The following CSMD1 variants were observed in gnomAD, a reference collection of about 807,000 sequenced individuals.
CSMD1 encodes the protein CUB and Sushi multiple domains 1.
A neutral mutation model predicts 417.5 loss-of-function variants in CSMD1; 213 were observed. The observed-to-expected ratio is 0.51, with a 90% confidence interval of 0.46 to 0.57. The LOEUF (loss-of-function observed/expected upper bound fraction) is 0.57, where lower values mean the gene tolerates loss of function less well. Ranked by LOEUF, CSMD1 falls within the 20% of genes least tolerant of loss-of-function variation. The probability of loss-of-function intolerance (pLI) is 0.00; values close to 1 mark genes in which losing one functional copy is unlikely to be tolerated. For missense variants in CSMD1, 6,923 were observed against 4,529.7 expected (o/e 1.53, Z -15.17); for synonymous variants, 2,862 against 1,736.8 (o/e 1.65, Z -16.11).
intron 1 of CSMD1, among the ~76,000 whole-genome samples, chr8:4,943,073 A>G (rs1808124547): frequency 6.6e-6 from 1 of 152,210 alleles, no homozygotes; most frequent in Non-Finnish European, 1.5e-5. Context: ...GTAATTGTTC[A>G]TAACAGATGA....
chr8:3,166,743 G>T (rs1309146763), intron 37 of CSMD1, among the ~76,000 whole-genome samples: 1 of 151,932 alleles, frequency 6.6e-6, no homozygotes, highest in Non-Finnish European at 1.5e-5. Flanking sequence ...TATCTAGGAA[G>T]ACATATACAA....
intron 10 of CSMD1, among the ~76,000 whole-genome samples, chr8:3,511,763 ATAACATAACATAAC>A (rs1402709692): frequency 0.12 from 9,755 of 81,354 alleles, 416 homozygotes; most frequent in African/African-American, 0.13. Flanking sequence ...CTCTAAAAAA[ATAACATAACATAAC>A]ATAACATAAC....
chr8:3,516,816 T>C (rs1797301181), intron 10 of CSMD1, among the ~76,000 whole-genome samples: 1 of 152,102 alleles, frequency 6.6e-6, no homozygotes, highest in Admixed American at 6.6e-5. Flanking sequence ...AACAATCCCA[T>C]CGCTGAGTAT....
chr8:3,422,393 T>A (rs1458258689), intron 12 of CSMD1, among the ~76,000 whole-genome samples: 1 of 152,172 alleles, frequency 6.6e-6, no homozygotes, highest in African/African-American at 2.4e-5. Context: ...GGGGCCACTT[T>A]CCACATTGTT....
At chr8:4,485,233 AG>A (rs1447431253) in intron 2 of CSMD1, among the ~76,000 whole-genome samples, 3 of 152,142 alleles carry the variant, frequency 2.0e-5, no homozygotes, top group African/African-American at 4.8e-5. Flanking sequence ...TCATCCCTTG[AG>A]AAAAGATGAA....
rs567733625 is a variant in CSMD1, at chr8:3,396,183, G to A, written c.2593+11C>T. ...TGCCCTGCCGGGCTGTCAAGGGAAG[G>A]TGCAACTCACTCTCATAGTGGATGA... On this transcript the variant is annotated intron_variant, in intron 17 of 69. Transcript: ENST00000635120. 2.8e-5 allele frequency: 43 copies of A among 1,554,384 alleles called. No homozygotes were observed. The African/African-American group carries it at 5.3e-4, about 19-fold the overall frequency.
At chr8:4,025,265 T>C (rs1008127730) in intron 4 of CSMD1, among the ~76,000 whole-genome samples, 1 of 152,222 alleles carries the variant, frequency 6.6e-6, no homozygotes, top group African/African-American at 2.4e-5. Context: ...GCTTCCTTTC[T>C]ACCTTCTTGT....
chr8:3,925,672 C>T (rs1809603531), intron 5 of CSMD1, among the ~76,000 whole-genome samples: 1 of 151,948 alleles, frequency 6.6e-6, no homozygotes, highest in Non-Finnish European at 1.5e-5. Flanking sequence ...TTTGCCTCCT[C>T]CTCATTTTTC....
intron 1 of CSMD1, among the ~76,000 whole-genome samples, chr8:4,699,458 A>G (rs186933781): frequency 5.3e-5 from 8 of 152,294 alleles, no homozygotes; most frequent in Admixed American, 4.6e-4. Flanking sequence ...CATATTCTAT[A>G]AAGTTTTCCC....
chr8:3,913,890 T>A (rs1808625060), intron 5 of CSMD1, among the ~76,000 whole-genome samples: 1 of 151,872 alleles, frequency 6.6e-6, no homozygotes, highest in South Asian at 2.1e-4. Context: ...ACCTCGACTG[T>A]TTTTTGTCCA....
Position 3,983,814 on chromosome 8 carries a change from G to A in CSMD1, c.818+14089C>T, listed in dbSNP as rs1814093785. On this transcript the variant is annotated intron_variant, in intron 5 of 69. Transcript: ENST00000635120. ...AGTTCTGATGGGGCTGTCAAATGCA[G>A]CTCCAGAGCACCTGGCAGATCTGGC... 2.0e-5 allele frequency among the ~76,000 whole-genome samples: 3 copies of A among 152,174 alleles called. 1 individual carries two copies. Among genetic ancestry groups the A allele is most frequent in the African/African-American group, 2.4e-5 (1 of 41,514 alleles).
chr8:4,751,495 G>A (rs990479121), intron 1 of CSMD1, among the ~76,000 whole-genome samples: 3 of 152,002 alleles, frequency 2.0e-5, no homozygotes, highest in Non-Finnish European at 2.9e-5. Flanking sequence ...TGGATTTTGT[G>A]GAATCATGAG....
At chr8:4,133,701 C>T (rs1803246875) in intron 3 of CSMD1, among the ~76,000 whole-genome samples, 1 of 10,296 alleles carries the variant, frequency 9.7e-5, no homozygotes, top group Non-Finnish European at 1.4e-3. Context: ...CACCATAATA[C>T]ATAAAGTGTA....
At chr8:4,328,888 C>T (rs138640502) in intron 3 of CSMD1, among the ~76,000 whole-genome samples, 1 of 152,190 alleles carries the variant, frequency 6.6e-6, no homozygotes, top group Non-Finnish European at 1.5e-5. Flanking sequence ...GTCCTCATAA[C>T]ATTCATTTGT....
chr8:4,854,857 A>G (rs1205980760), intron 1 of CSMD1, among the ~76,000 whole-genome samples: 1 of 152,204 alleles, frequency 6.6e-6, no homozygotes, highest in African/African-American at 2.4e-5. Context: ...GCCATTGCCC[A>G]GGCTTGCTTA....
chr8:3,981,675 C>T (rs142097315), intron 5 of CSMD1, among the ~76,000 whole-genome samples: 5 of 151,916 alleles, frequency 3.3e-5, no homozygotes, highest in Admixed American at 6.6e-5. Flanking sequence ...CCTTCTTTGA[C>T]GTTAATTGTG....
chr8:4,436,908 C>T (rs1404638856), intron 2 of CSMD1, among the ~76,000 whole-genome samples: 1 of 152,100 alleles, frequency 6.6e-6, no homozygotes, highest in Non-Finnish European at 1.5e-5. Context: ...TTTCTTTATC[C>T]ATTCATCTGT....
intron 2 of CSMD1, among the ~76,000 whole-genome samples, chr8:4,517,372 A>G (rs548126069): frequency 7.2e-5 from 11 of 152,184 alleles, no homozygotes; most frequent in Non-Finnish European, 1.3e-4. Context: ...GTCATAGGTT[A>G]AACAGCTAAT....
chr8:3,803,735 A>C (rs2129073682), intron 5 of CSMD1, among the ~76,000 whole-genome samples: 1 of 152,332 alleles, frequency 6.6e-6, no homozygotes, highest in South Asian at 2.1e-4. Context: ...ATTGGAAGCC[A>C]GTGACGAATC....
Sources: allele counts gnomAD v4.1 joint callset (sites outside exome capture counted in the v4.1 genomes callset), GRCh38; gene constraint gnomAD v4.1.1; transcripts MANE v1.5; gene names NCBI Gene and HGNC (gene_info 2026-07-23, HGNC 2026-07-21).